MEGF10: variants seen among roughly 807,000 people sequenced by gnomAD.
The protein encoded by MEGF10 is multiple EGF like domains 10.
MEGF10 carries 86 observed loss-of-function variants against 147.5 expected under a neutral mutation model. The observed-to-expected ratio is 0.58, with a 90% CI of 0.49 to 0.70. The LOEUF (loss-of-function observed/expected upper bound fraction) is 0.70. MEGF10 is among the 30% of genes least tolerant of loss of function. The pLI is 0.00. For synonymous variants in MEGF10, 478 were observed against 525.5 expected (o/e 0.91, Z 1.24); for missense variants, 1,329 against 1,487.3 (o/e 0.89, Z 1.75).
chr5:127,402,572 C>G lies in MEGF10; in HGVS notation c.807C>G (p.Pro269=). The G allele has an allele frequency of 6.2e-7, 1 of 1,613,966 alleles. No homozygotes were observed. Among genetic ancestry groups the G allele is most frequent in the Non-Finnish European group, 8.5e-7 (1 of 1,179,948 alleles). ...WMGTVCGQPC[P]EGRFGKNCSQ... ...GCACAGTGTGTGGTCAGCCTTGCCC[C>G]GAGGGTCGCTTTGGAAAGAACTGTT... The change falls in exon 8 of 25, where the codon CCC becomes CCG. Residue 269 remains proline, a synonymous_variant. Transcript: ENST00000503335.
At chr5:127,437,659 G>A (rs1006847416) in intron 16 of MEGF10, among the ~76,000 whole-genome samples, 2 of 152,138 alleles carry the variant, frequency 1.3e-5, no homozygotes, top group Non-Finnish European at 2.9e-5. Context: ...ACTTTCTGAT[G>A]TCTCTTCAAT....
At chr5:127,377,494 C>T (rs993063455) in intron 5 of MEGF10, among the ~76,000 whole-genome samples, 8 of 152,098 alleles carry the variant, frequency 5.3e-5, no homozygotes, top group Admixed American at 2.0e-4. Context: ...AATAGCATTC[C>T]GGTTAAATAT....
intron 4 of MEGF10, among the ~76,000 whole-genome samples, chr5:127,345,369 T>C (rs2126809660): frequency 6.6e-6 from 1 of 152,268 alleles, no homozygotes; most frequent in African/African-American, 2.4e-5. Flanking sequence ...TGTGTGGAAC[T>C]CCTGGTCCAC....
At chr5:127,389,844 T>C (rs1347050684) in intron 5 of MEGF10, among the ~76,000 whole-genome samples, 1 of 152,122 alleles carries the variant, frequency 6.6e-6, no homozygotes, top group African/African-American at 2.4e-5. Context: ...ACTTGGGTGA[T>C]GAAATAATCT....
chr5:127,238,159 A>G, the MEGF10 span, among the ~76,000 whole-genome samples: 27 of 151,588 alleles, frequency 1.8e-4, no homozygotes, highest in African/African-American at 6.3e-4. Context: ...GGGTTCAAGC[A>G]ATTCTCCTGC....
the MEGF10 span, among the ~76,000 whole-genome samples, chr5:127,232,658 C>T: frequency 6.6e-6 from 1 of 151,994 alleles, no homozygotes; most frequent in African/African-American, 2.4e-5. Context: ...AAGTACAAAA[C>T]TTGGAGATGT....
Position 127,391,102 on chromosome 5 carries a change from GCACACACACACACACACACA to G in MEGF10, c.413-5397_413-5378del, listed in dbSNP as rs70997334. Among the ~76,000 whole-genome samples the G allele has an allele frequency of 3.7e-3, 201 of 53,932 alleles. 4 individuals are homozygous for G. The highest frequency in any genetic ancestry group is 6.7e-3 in the Non-Finnish European group (133 of 19,808). The allele number at this position is 53,932 out of a possible 152,430, so 35.4% of individuals were successfully genotyped here. ...CATACACACATGCGCGCGCGCGCGC[GCACACACACACACACACACA>G]CACACACACACACACACACACACAC... On this transcript the variant is annotated intron_variant, in intron 5 of 24. Transcript: ENST00000503335.
chr5:127,382,827 C>A (rs1331615332), intron 5 of MEGF10, among the ~76,000 whole-genome samples: 1 of 152,112 alleles, frequency 6.6e-6, no homozygotes, highest in Non-Finnish European at 1.5e-5. Flanking sequence ...ACCTGATTGA[C>A]CAATGAACAT....
upstream of MEGF10, among the ~76,000 whole-genome samples, chr5:127,290,373 C>A (rs758117646): frequency 1.3e-5 from 2 of 152,214 alleles, no homozygotes; most frequent in Non-Finnish European, 2.9e-5. Flanking sequence ...GCCGTCCACT[C>A]CAGTTGGCCG....
At chr5:127,362,058 A>C (rs566656997) in intron 4 of MEGF10, among the ~76,000 whole-genome samples, 1 of 151,594 alleles carries the variant, frequency 6.6e-6, no homozygotes, top group East Asian at 2.0e-4. Context: ...TTTCAAATCT[A>C]CTATATCTTT....
At chr5:127,315,316 T>G (rs1250195472) in intron 1 of MEGF10, among the ~76,000 whole-genome samples, 1 of 152,210 alleles carries the variant, frequency 6.6e-6, no homozygotes, top group Non-Finnish European at 1.5e-5. Context: ...TGGTGTGCAT[T>G]TATGCCCACC....
At chr5:127,315,540 C>G (rs376299041) in intron 1 of MEGF10, among the ~76,000 whole-genome samples, 1 of 152,132 alleles carries the variant, frequency 6.6e-6, no homozygotes, top group African/African-American at 2.4e-5. Flanking sequence ...CTTTTGGAGG[C>G]TGATAGAGGT....
chr5:127,293,812 A>G (rs1178320416), intron 1 of MEGF10, among the ~76,000 whole-genome samples: 1 of 152,226 alleles, frequency 6.6e-6, no homozygotes, highest in Non-Finnish European at 1.5e-5. Flanking sequence ...TGAGATCTCC[A>G]GGTGAACCTG....
At chr5:127,243,745 G>T in the MEGF10 span, among the ~76,000 whole-genome samples, 2 of 152,154 alleles carry the variant, frequency 1.3e-5, no homozygotes, top group Admixed American at 6.5e-5. Flanking sequence ...AATGCTAGAG[G>T]TGGTAGTAAA....
At chr5:127,249,510 T>C in the MEGF10 span, among the ~76,000 whole-genome samples, 1 of 151,878 alleles carries the variant, frequency 6.6e-6, no homozygotes, top group South Asian at 2.1e-4. Context: ...ATGGAACAAA[T>C]AGAATATGAA....
At chr5:127,357,787 C>T (rs1762332547) in intron 4 of MEGF10, among the ~76,000 whole-genome samples, 1 of 152,092 alleles carries the variant, frequency 6.6e-6, no homozygotes, top group East Asian at 1.9e-4. Flanking sequence ...ATATTTTAAA[C>T]AATTTTAACT....
intron 1 of MEGF10, among the ~76,000 whole-genome samples, chr5:127,328,383 A>G (rs1000329926): frequency 5.9e-5 from 9 of 152,186 alleles, no homozygotes; most frequent in Non-Finnish European, 1.2e-4. Context: ...ACACACACAC[A>G]TATTTTTCAA....
chr5:127,235,037 G>C, the MEGF10 span, among the ~76,000 whole-genome samples: 1 of 151,918 alleles, frequency 6.6e-6, no homozygotes, highest in African/African-American at 2.4e-5. Flanking sequence ...GTAGAGATAG[G>C]GTTTTACCAT....
intron 1 of MEGF10, among the ~76,000 whole-genome samples, chr5:127,298,327 C>T (rs1196105103): frequency 1.3e-5 from 2 of 152,174 alleles, no homozygotes; most frequent in Non-Finnish European, 2.9e-5. Context: ...CACCTGTCTT[C>T]GTCTCAGGTG....
Sources: gnomAD v4.1 joint callset for allele counts (sites outside exome capture counted in the v4.1 genomes callset) on GRCh38, gnomAD v4.1.1 for gene constraint, MANE v1.5 for transcripts, NCBI Gene and HGNC (gene_info 2026-07-23, HGNC 2026-07-21) for gene names.